FER1L6: variants seen among roughly 807,000 people sequenced by gnomAD.
FER1L6 encodes fer-1 like family member 6.
A neutral mutation model predicts 219.2 loss-of-function variants in FER1L6; 177 were observed. The observed-to-expected ratio is 0.81, with a 90% CI of 0.71 to 0.91. The LOEUF is 0.91. Ranked by LOEUF, FER1L6 falls within the 40% of genes least tolerant of loss-of-function variation. The pLI, the probability that FER1L6 is intolerant of heterozygous loss-of-function variation, is 0.00. For missense variants in FER1L6, 2,153 were observed against 2,259.9 expected, an observed-to-expected ratio of 0.95 and a Z score of 0.96; for synonymous variants, 768 against 824.3, an observed-to-expected ratio of 0.93 and a Z score of 1.17.
intron 9 of FER1L6, among the ~76,000 whole-genome samples, chr8:123,977,151 G>A (rs1816112689): frequency 6.6e-6 from 1 of 152,192 alleles, no homozygotes; most frequent in Non-Finnish European, 1.5e-5. Context: ...TATTTCTGGA[G>A]TTGCACAGAA....
intron 37 of FER1L6, among the ~76,000 whole-genome samples, chr8:124,100,210 G>A (rs1025033861): frequency 6.6e-6 from 1 of 152,146 alleles, no homozygotes; most frequent in African/African-American, 2.4e-5. Flanking sequence ...CAACTAGTTT[G>A]AATAAAAAGT....
intron 31 of FER1L6, among the ~76,000 whole-genome samples, chr8:124,073,577 T>C (rs1301785220): frequency 6.6e-6 from 1 of 152,226 alleles, no homozygotes; most frequent in Non-Finnish European, 1.5e-5. Flanking sequence ...CCTCTTTTTT[T>C]CCTTAGTTTA....
chr8:123,942,783 A>G (rs1395855589), intron 1 of FER1L6, among the ~76,000 whole-genome samples: 1 of 152,234 alleles, frequency 6.6e-6, no homozygotes, highest in African/African-American at 2.4e-5. Context: ...CTTTTTGTAA[A>G]TAATGGGACA....
At chr8:123,955,654 A>G (rs1202494480) in intron 1 of FER1L6, among the ~76,000 whole-genome samples, 1 of 152,220 alleles carries the variant, frequency 6.6e-6, no homozygotes, top group Non-Finnish European at 1.5e-5. Flanking sequence ...GTGGTGATAA[A>G]TGATGTGACT....
intron 2 of FER1L6, among the ~76,000 whole-genome samples, chr8:123,958,100 G>T (rs1292049485): frequency 6.6e-6 from 1 of 152,184 alleles, no homozygotes; most frequent in African/African-American, 2.4e-5. Context: ...ACAACAAATA[G>T]TTATTGGGTA....
chr8:123,856,930 T>C (rs2130243069), intron 1 of FER1L6, among the ~76,000 whole-genome samples: 1 of 152,164 alleles, frequency 6.6e-6, no homozygotes, highest in South Asian at 2.1e-4. Flanking sequence ...TGTGCTGATG[T>C]TGGTAACTGC....
intron 18 of FER1L6, 145 bp downstream of exon 18, chr8:124,023,741 G>C: frequency 1.3e-6 from 1 of 769,346 alleles, no homozygotes; most frequent in Non-Finnish European, 1.9e-6. Context: ...GGTGCCTCTT[G>C]GTTCAAATTG....
intron 1 of FER1L6, among the ~76,000 whole-genome samples, chr8:123,898,770 T>TATA: frequency 1.4e-5 from 2 of 146,256 alleles, no homozygotes; most frequent in East Asian, 3.9e-4. Context: ...CATATATATG[T>TATA]GTATATATAC....
chr8:123,903,382 C>T (rs960700852), intron 1 of FER1L6, among the ~76,000 whole-genome samples: 14 of 152,178 alleles, frequency 9.2e-5, no homozygotes, highest in South Asian at 2.1e-4. Context: ...AGCATTCCTA[C>T]GCATGATCGT....
chr8:124,082,288 G>A lies in FER1L6; in HGVS notation c.4221G>A (p.Arg1407=), dbSNP rs10956162. ...CTTGAAGTCTCTGCTTGGACCGCAG[G>A]TCATTTGAGATCCAAGCCACATTCC... ...IPKQLNPVFG[R]SFEIQATFPK... The change falls in exon 33 of 41, where the codon AGG becomes AGA. Residue 1407 remains arginine (R), a splice_region_variant and synonymous_variant. Transcript: ENST00000522917. 9 of 1,611,956 alleles carry A rather than the reference G, an allele frequency of 5.6e-6. No homozygotes were observed. Among genetic ancestry groups the A allele is most frequent in the South Asian group, 3.3e-5 (3 of 90,680 alleles).
chr8:124,038,922 G>A (rs957382543), intron 19 of FER1L6, among the ~76,000 whole-genome samples: 3 of 152,190 alleles, frequency 2.0e-5, no homozygotes, highest in Admixed American at 2.0e-4. Flanking sequence ...TGAAATGGGA[G>A]TGGGTAAAGA....
chr8:124,020,710 C>T (rs1818421265), intron 16 of FER1L6, among the ~76,000 whole-genome samples: 1 of 152,100 alleles, frequency 6.6e-6, no homozygotes, highest in South Asian at 2.1e-4. Context: ...CATTCAGTAG[C>T]TGCGTTACTG....
intron 1 of FER1L6, among the ~76,000 whole-genome samples, chr8:123,924,256 A>AT (rs1813478122): frequency 6.9e-6 from 1 of 145,286 alleles, no homozygotes; most frequent in Non-Finnish European, 1.5e-5. Context: ...AAAAAAAAAA[A>AT]GTATATGGCT....
chr8:124,047,965 G>T lies in FER1L6; in HGVS notation c.2725-1642G>T, dbSNP rs2130770190. 1.3e-5 allele frequency among the ~76,000 whole-genome samples: 2 copies of T among 152,096 alleles called. 1 individual carries two copies. Among genetic ancestry groups the T allele is most frequent in the Admixed American group, 1.3e-4 (2 of 15,284 alleles). On this transcript the variant is annotated intron_variant, in intron 21 of 40. Coordinates refer to ENST00000522917, the MANE Select transcript of FER1L6 (RefSeq NM_001039112.2). ...TATATTTGGAAAATTGGTTGCTTGG[G>T]CTATGTTTACTCTTTTGTTTCCAGG...
At chr8:124,102,725 G>A (rs953023086) in intron 38 of FER1L6, among the ~76,000 whole-genome samples, 16 of 152,168 alleles carry the variant, frequency 1.1e-4, no homozygotes, top group Non-Finnish European at 1.9e-4. Context: ...GTCCGACCTG[G>A]AGGGGTTTAG....
intron 13 of FER1L6, 78 bp downstream of exon 13, chr8:124,003,425 A>T: frequency 2.0e-6 from 1 of 509,004 alleles, no homozygotes; most frequent in Non-Finnish European, 3.2e-6. Flanking sequence ...TGTTTTCTTC[A>T]GTTCTTCACT....
chr8:123,997,265 A>G (rs1006755547), intron 12 of FER1L6, among the ~76,000 whole-genome samples: 9 of 152,062 alleles, frequency 5.9e-5, no homozygotes, highest in East Asian at 3.9e-4. Context: ...TTTAAAGAAT[A>G]TTTTTGCTAA....
chr8:123,970,424 G>GTTT lies in FER1L6; in HGVS notation c.447+334_447+336dup, dbSNP rs147021837. On this transcript the variant is annotated intron_variant, in intron 6 of 40. Coordinates refer to ENST00000522917, the MANE Select transcript of FER1L6 (RefSeq NM_001039112.2). ...CTTAATGCATTGTCAGTTTTAGTTT[G>GTTT]TTTTTTTTTAAATCAGGCAAATGTA... Among the ~76,000 whole-genome samples, 560 of 151,404 alleles carry GTTT rather than the reference G, an allele frequency of 3.7e-3. 4 individuals carry two copies. Among genetic ancestry groups the GTTT allele is most frequent in the African/African-American group, 0.013 (534 of 41,300 alleles).
chr8:123,900,589 A>C (rs1263777264), intron 1 of FER1L6, among the ~76,000 whole-genome samples: 3 of 152,092 alleles, frequency 2.0e-5, no homozygotes, highest in African/African-American at 7.2e-5. Context: ...ACTTTTCTTC[A>C]TTCAGTATTG....
Sources: gnomAD v4.1 joint callset for allele counts (sites outside exome capture counted in the v4.1 genomes callset) on GRCh38, gnomAD v4.1.1 for gene constraint, MANE v1.5 for transcripts, NCBI Gene and HGNC (gene_info 2026-07-23, HGNC 2026-07-21) for gene names.